The following RANBP2 variants were observed in gnomAD, a reference collection of about 807,000 sequenced individuals.
The protein encoded by RANBP2 is E3 SUMO-protein ligase RanBP2.
Under a neutral mutation model 303.6 loss-of-function variants are expected in RANBP2, and 57 were observed. The observed-to-expected ratio is 0.19, with a 90% CI of 0.15 to 0.23. The LOEUF (loss-of-function observed/expected upper bound fraction) is 0.23. RANBP2 is among the 10% of genes least tolerant of loss of function. The probability of loss-of-function intolerance (pLI) is 1.00; values close to 1 mark genes in which losing one functional copy is unlikely to be tolerated. For synonymous variants in RANBP2, 1,167 were observed against 1,301.5 expected (o/e 0.90, Z 2.23); for missense variants, 3,138 against 3,780.8 (o/e 0.83, Z 4.46).
the RANBP2 span, among the ~76,000 whole-genome samples, chr2:109,175,525 G>A: frequency 6.6e-6 from 1 of 152,238 alleles, no homozygotes; most frequent in African/African-American, 2.4e-5. Flanking sequence ...AAACAAGGAT[G>A]AGCTCATGGC....
the RANBP2 span, among the ~76,000 whole-genome samples, chr2:108,944,178 A>T: frequency 6.6e-6 from 1 of 152,162 alleles, no homozygotes; most frequent in African/African-American, 2.4e-5. Flanking sequence ...CAGTGGCACG[A>T]TCTCGGCTCA....
At chr2:109,020,863 T>G in the RANBP2 span, among the ~76,000 whole-genome samples, 36 of 152,140 alleles carry the variant, frequency 2.4e-4, no homozygotes, top group African/African-American at 8.0e-4. Context: ...AAGGGCAGAT[T>G]GTTTGTGGGG....
At chr2:108,952,171 G>A in the RANBP2 span, among the ~76,000 whole-genome samples, 1 of 152,184 alleles carries the variant, frequency 6.6e-6, no homozygotes, top group Non-Finnish European at 1.5e-5. Context: ...CCTGAAAGAG[G>A]GGAGAGAATT....
chr2:109,170,307 CTCTT>C, the RANBP2 span, among the ~76,000 whole-genome samples: 119 of 134,156 alleles, frequency 8.9e-4, 4 homozygotes, highest in East Asian at 9.1e-3. Context: ...CTCTTCTCTT[CTCTT>C]CTCTCCTCTC....
At chr2:108,781,704 C>A (rs989620088) in intron 26 of RANBP2, among the ~76,000 whole-genome samples, 1 of 151,936 alleles carries the variant, frequency 6.6e-6, no homozygotes, top group Non-Finnish European at 1.5e-5. Context: ...TAACATGATT[C>A]TGGGGAAAAA....
rs530404591 is a variant in RANBP2 at position 108,742,051 on chromosome 2, C to T, written c.975+1370C>T. On this transcript the variant is annotated intron_variant, in intron 7 of 28. Transcript: ENST00000283195. ...TGCTCTTGTTGCCCAGGCTGGAGTG[C>T]AGTGGCGCGATCTGGCTCACTGCAA... Among the ~76,000 whole-genome samples, 4 of 152,116 alleles carry T rather than the reference C, an allele frequency of 2.6e-5. No individual in the cohort carries two copies. In the South Asian group the frequency reaches 6.2e-4, roughly 24 times the overall value.
chr2:109,747,578 G>A, the RANBP2 span, among the ~76,000 whole-genome samples: 39 of 150,554 alleles, frequency 2.6e-4, 1 homozygote, highest in East Asian at 3.7e-3. Context: ...GTGAAATCCC[G>A]TCTCTACTAA....
the RANBP2 span, among the ~76,000 whole-genome samples, chr2:109,080,424 A>G: frequency 6.6e-6 from 1 of 152,114 alleles, no homozygotes; most frequent in African/African-American, 2.4e-5. Context: ...GGAGGGATGG[A>G]ATAAGTTGAT....
the RANBP2 span, among the ~76,000 whole-genome samples, chr2:109,534,859 T>C: frequency 6.6e-6 from 1 of 152,206 alleles, no homozygotes; most frequent in South Asian, 2.1e-4. Context: ...AATGGTTTGT[T>C]TCTTACCTGA....
At chr2:108,722,079 G>C (rs1469938050) in intron 1 of RANBP2, among the ~76,000 whole-genome samples, 1 of 147,840 alleles carries the variant, frequency 6.8e-6, no homozygotes, top group Non-Finnish European at 1.5e-5. Context: ...AAAAAAGCAA[G>C]CTTAGAGCCT....
the RANBP2 span, among the ~76,000 whole-genome samples, chr2:109,406,072 C>T: frequency 1.3e-5 from 2 of 152,328 alleles, no homozygotes; most frequent in East Asian, 3.9e-4. Context: ...GGGCGTGCAG[C>T]CGGCTGAGCC....
At chr2:109,061,645 C>T in the RANBP2 span, among the ~76,000 whole-genome samples, 6 of 152,106 alleles carry the variant, frequency 3.9e-5, no homozygotes, top group Non-Finnish European at 8.8e-5. Context: ...ATAATAAGTG[C>T]AATAATAGAA....
the RANBP2 span, among the ~76,000 whole-genome samples, chr2:109,107,204 C>T: frequency 4.5e-4 from 68 of 149,682 alleles, no homozygotes; most frequent in African/African-American, 1.6e-3. Flanking sequence ...GGATTATAGG[C>T]GTGAGCCACC....
chr2:108,976,624 A>G, the RANBP2 span, among the ~76,000 whole-genome samples: 1 of 152,078 alleles, frequency 6.6e-6, no homozygotes, highest in Admixed American at 6.5e-5. Flanking sequence ...TCTGTTATGT[A>G]TTTGTCCATC....
chr2:109,170,289 CTTCTCTTCTCTTCTCTTCTCT>C, the RANBP2 span, among the ~76,000 whole-genome samples: 2 of 120,878 alleles, frequency 1.7e-5, no homozygotes, highest in East Asian at 3.6e-4. Context: ...CTTCTCTTCT[CTTCTCTTCTCTTCTCTTCTCT>C]TCTCTCCTCT....
At chr2:109,725,383 A>G in the RANBP2 span, among the ~76,000 whole-genome samples, 1 of 152,202 alleles carries the variant, frequency 6.6e-6, no homozygotes, top group Non-Finnish European at 1.5e-5. Flanking sequence ...CCTGGTCACG[A>G]TGGCCTGGAC....
At chr2:109,375,437 C>CAG in the RANBP2 span, among the ~76,000 whole-genome samples, 3,898 of 152,320 alleles carry the variant, frequency 0.026, 112 homozygotes, top group African/African-American at 0.063. Flanking sequence ...AGTGTCCACT[C>CAG]GGGCACAGAG....
At chr2:109,121,121 G>A in the RANBP2 span, among the ~76,000 whole-genome samples, 11 of 152,090 alleles carry the variant, frequency 7.2e-5, no homozygotes, top group African/African-American at 1.9e-4. Flanking sequence ...GGTGGCAGGC[G>A]CCTGTAGTCC....
the RANBP2 span, among the ~76,000 whole-genome samples, chr2:108,804,150 C>T: frequency 1.3e-5 from 2 of 151,996 alleles, no homozygotes; most frequent in African/African-American, 4.8e-5. Context: ...GTATTTATAT[C>T]ACTACTTGGA....
Sources: gnomAD v4.1 joint callset for allele counts (sites outside exome capture counted in the v4.1 genomes callset) on GRCh38, gnomAD v4.1.1 for gene constraint, MANE v1.5 for transcripts, NCBI Gene and HGNC (gene_info 2026-07-23, HGNC 2026-07-21) for gene names.